Variants in GREB1L observed in about 807,000 individuals in gnomAD.
GREB1L encodes GREB1-like protein.
In GREB1L, 17 loss-of-function variants were observed where a neutral mutation model predicts 200.8. The observed-to-expected ratio is 0.08, with a 90% CI of 0.06 to 0.13. The LOEUF (loss-of-function observed/expected upper bound fraction) is 0.13. Ranked by LOEUF, GREB1L falls within the 10% of genes least tolerant of loss-of-function variation. GREB1L has a pLI of 1.00. For missense variants in GREB1L, 1,657 were observed against 2,367.7 expected (o/e 0.70, Z 6.23); for synonymous variants, 789 against 893.0 (o/e 0.88, Z 2.08).
intron 1 of GREB1L, among the ~76,000 whole-genome samples, chr18:21,326,910 T>C (rs1305598170): frequency 6.6e-6 from 1 of 152,230 alleles, no homozygotes; most frequent in East Asian, 1.9e-4. Context: ...TTTTGGTAGA[T>C]GTCTGCTCTT....
At chr18:21,398,131 C>T (rs2041163648) in intron 5 of GREB1L, among the ~76,000 whole-genome samples, 1 of 152,078 alleles carries the variant, frequency 6.6e-6, no homozygotes, top group African/African-American at 2.4e-5. Context: ...ACACAGAAAA[C>T]ACCATCAGTA....
rs1309795432 is a variant in GREB1L, at chr18:21,404,129, G to A, written c.832+135G>A. ...AGGTATTACTTGAGTTACTATTAGAGTTAGAATTCAGCCTTGAGATGGGTT... is the reference window on the plus strand; with the variant it reads ...AGGTATTACTTGAGTTACTATTAGAATTAGAATTCAGCCTTGAGATGGGTT... On this transcript the variant is annotated intron_variant, in intron 7 of 32. Transcript: ENST00000424526. 1.9e-5 allele frequency: 15 copies of A among 804,146 alleles called. No individual in the cohort carries two copies. In the Admixed American group the frequency reaches 4.1e-4, roughly 22 times the overall value. The allele number at this position is 804,146 out of a possible 1,614,324, so 49.8% of individuals were successfully genotyped here. A position where few individuals can be genotyped will look rare whatever the true frequency, so the allele number is the denominator to read the frequency against.
Position 21,268,511 on chromosome 18 carries a change from G to GTATATA in GREB1L, c.-120+26125_-120+26130dup, listed in dbSNP as rs1324427104. Among the ~76,000 whole-genome samples, 449 of 67,070 alleles carry GTATATA rather than the reference G, an allele frequency of 6.7e-3. 2 individuals carry two copies. The highest frequency in any genetic ancestry group is 9.8e-3 in the Middle Eastern group (1 of 102). 44.0% of individuals were successfully genotyped at this position (67,070 alleles called of 152,430 possible). A position where few individuals can be genotyped will look rare whatever the true frequency, so the allele number is the denominator to read the frequency against. ...TGTGTATATATATACATATATATAT[G>GTATATA]TATATATATATACACACACACACAC... On this transcript the variant is annotated intron_variant, in intron 1 of 32. Transcript: ENST00000424526.
At chr18:21,489,711 A>G (rs1275848143) in intron 18 of GREB1L, among the ~76,000 whole-genome samples, 1 of 152,082 alleles carries the variant, frequency 6.6e-6, no homozygotes, top group East Asian at 1.9e-4. Flanking sequence ...ATTTCTAACA[A>G]GCTCCCAGGT....
intron 2 of GREB1L, among the ~76,000 whole-genome samples, chr18:21,382,552 C>T (rs1051846889): frequency 3.3e-4 from 49 of 148,054 alleles, no homozygotes; most frequent in African/African-American, 1.2e-3. Flanking sequence ...AGTGCAGTGG[C>T]GCAATCTCGG....
At chr18:21,492,756 T>C (rs549606482) in intron 19 of GREB1L, among the ~76,000 whole-genome samples, 2 of 152,178 alleles carry the variant, frequency 1.3e-5, no homozygotes, top group South Asian at 2.1e-4. Context: ...CCTCAATTGG[T>C]ATGAGTAGCT....
At chr18:21,519,199 G>A (rs1206858868) in intron 31 of GREB1L, among the ~76,000 whole-genome samples, 2 of 152,086 alleles carry the variant, frequency 1.3e-5, no homozygotes, top group African/African-American at 2.4e-5. Flanking sequence ...ATAGAAGCTC[G>A]TGCCTATAAC....
At chr18:21,515,856 TAGAGA>T (rs1383651695) in intron 29 of GREB1L, among the ~76,000 whole-genome samples, 1 of 152,194 alleles carries the variant, frequency 6.6e-6, no homozygotes, top group Admixed American at 6.5e-5. Flanking sequence ...GTGAAATGCT[TAGAGA>T]AAACACTTTA....
chr18:21,364,983 A>G (rs1031426789), intron 1 of GREB1L, among the ~76,000 whole-genome samples: 1 of 152,080 alleles, frequency 6.6e-6, no homozygotes, highest in Admixed American at 6.5e-5. Context: ...AAAGATGTCT[A>G]TTTATGTGTG....
intron 1 of GREB1L, among the ~76,000 whole-genome samples, chr18:21,364,676 T>A (rs150871426): frequency 7.8e-4 from 119 of 152,324 alleles, no homozygotes; most frequent in African/African-American, 2.8e-3. Context: ...AGAGAATGTG[T>A]GCAGCCTGAA....
intron 1 of GREB1L, among the ~76,000 whole-genome samples, chr18:21,276,924 C>CTTTTT (rs573871373): frequency 6.5e-5 from 7 of 107,652 alleles, no homozygotes; most frequent in Admixed American, 1.2e-4. Context: ...CAGCCCAGCC[C>CTTTTT]TTTTTTTTTT....
At chr18:21,473,296 G>T in intron 16 of GREB1L, 85 bp downstream of exon 16, 1 of 1,089,174 alleles carries the variant, frequency 9.2e-7, no homozygotes, top group Non-Finnish European at 1.2e-6. Flanking sequence ...ATGGCCAGGC[G>T]CGGTGGCTCA....
chr18:21,356,306 T>C (rs564459141), intron 1 of GREB1L, among the ~76,000 whole-genome samples: 1 of 152,266 alleles, frequency 6.6e-6, no homozygotes, highest in Non-Finnish European at 1.5e-5. Flanking sequence ...TGAAATTTTG[T>C]GTGTTTTGAC....
chr18:21,374,200 C>T (rs1369975721), intron 2 of GREB1L, among the ~76,000 whole-genome samples: 7 of 152,078 alleles, frequency 4.6e-5, no homozygotes, highest in Admixed American at 2.6e-4. Context: ...GACAGGGTTT[C>T]GTCATGTTGC....
At chr18:21,352,394 A>T (rs980543303) in intron 1 of GREB1L, among the ~76,000 whole-genome samples, 1 of 151,924 alleles carries the variant, frequency 6.6e-6, no homozygotes, top group African/African-American at 2.4e-5. Context: ...TAATAATAAT[A>T]AATACAGGGC....
intron 17 of GREB1L, among the ~76,000 whole-genome samples, chr18:21,478,249 C>G (rs534176100): frequency 3.3e-4 from 50 of 152,230 alleles, no homozygotes; most frequent in African/African-American, 1.2e-3. Flanking sequence ...CTACCCATCT[C>G]AACATTGGAT....
At chr18:21,411,394 G>C (rs1409550781) in intron 7 of GREB1L, among the ~76,000 whole-genome samples, 1 of 152,026 alleles carries the variant, frequency 6.6e-6, no homozygotes, top group African/African-American at 2.4e-5. Context: ...TTTTAGTAGA[G>C]ACGGGGTTTC....
Position 21,505,553 on chromosome 18 carries a change from C to A in GREB1L, c.4214C>A (p.Ala1405Glu). The A allele has an allele frequency of 6.4e-7, 1 of 1,551,768 alleles. No individual in the cohort carries two copies. The highest frequency in any genetic ancestry group is 8.7e-7 in the Non-Finnish European group (1 of 1,147,002). The change falls in exon 24 of 33, where the codon GCA (alanine) becomes GAA (glutamate). Residue 1405 changes from alanine (A) to glutamate (E), a missense_variant. Transcript: ENST00000424526. ...AGCCTGGTGTATACTGAGAAGCTGG[C>A]AGGGGTCAAACAAGGTCAGTGCAAT... ...LMSLVYTEKL[A>E]GVKQEVIKES...
chr18:21,430,939 A>G (rs910350515), intron 7 of GREB1L, among the ~76,000 whole-genome samples: 15 of 150,070 alleles, frequency 1.0e-4, no homozygotes, highest in Admixed American at 2.0e-4. Context: ...ATTTCCTTCT[A>G]ATTACTTTAG....
Sources: allele counts gnomAD v4.1 joint callset (sites outside exome capture counted in the v4.1 genomes callset), GRCh38; gene constraint gnomAD v4.1.1; transcripts MANE v1.5; gene names NCBI Gene and HGNC (gene_info 2026-07-23, HGNC 2026-07-21).